DACH1: variants seen among roughly 807,000 people sequenced by gnomAD.
DACH1 encodes dachshund homolog 1.
Under a neutral mutation model 54.2 loss-of-function variants are expected in DACH1, and 12 were observed. The ratio of observed to expected loss-of-function variants is 0.22; its 90% CI spans 0.14 to 0.36. The LOEUF is 0.36. DACH1 is among the 10% of genes least tolerant of loss of function. The pLI is 1.00. For missense variants in DACH1, 805 were observed against 929.8 expected (o/e 0.87, Z 1.75); for synonymous variants, 386 against 366.2 (o/e 1.05, Z -0.62).
rs118055281 is a variant in DACH1, at chr13:71,662,321, T to A, written c.964+19474A>T. ...ATAAACTGATGAATACATGCTTTTTTAAAAATCACGATCAAAATATAACAA... is the reference window on the plus strand; with the variant it reads ...ATAAACTGATGAATACATGCTTTTTAAAAAATCACGATCAAAATATAACAA... On this transcript the variant is annotated intron_variant, in intron 2 of 10. Coordinates refer to ENST00000613252, the MANE Select transcript of DACH1 (RefSeq NM_080759.6). Among the ~76,000 whole-genome samples, 748 of 152,114 alleles carry A rather than the reference T, an allele frequency of 4.9e-3. 5 individuals are homozygous for A. Among genetic ancestry groups the A allele is most frequent in the East Asian group, 0.047 (242 of 5,172 alleles).
chr13:71,763,386 T>TATCCA (rs1885482683), intron 1 of DACH1, among the ~76,000 whole-genome samples: 14 of 152,338 alleles, frequency 9.2e-5, no homozygotes, highest in African/African-American at 3.4e-4. Context: ...GGTGTTGTTA[T>TATCCA]AGATTATTTC....
At chr13:71,782,817 GTAT>G (rs1886440207) in intron 1 of DACH1, among the ~76,000 whole-genome samples, 1 of 152,158 alleles carries the variant, frequency 6.6e-6, no homozygotes, top group South Asian at 2.1e-4. Flanking sequence ...GTAGTAATAG[GTAT>G]TATTGCAGGC....
intron 3 of DACH1, chr13:71,573,526 A>T (rs1885350351): frequency 1.5e-6 from 1 of 677,958 alleles, no homozygotes; most frequent in Non-Finnish European, 2.7e-6. Flanking sequence ...GGTCCCTGGG[A>T]TGGGGAAGAG....
At chr13:71,850,800 T>C (rs1351709097) in intron 1 of DACH1, among the ~76,000 whole-genome samples, 2 of 152,216 alleles carry the variant, frequency 1.3e-5, no homozygotes, top group Non-Finnish European at 2.9e-5. Flanking sequence ...GCTGAATGAA[T>C]GCACAGCTTT....
At chr13:71,645,907 T>C (rs1210003624) in intron 2 of DACH1, among the ~76,000 whole-genome samples, 1 of 152,204 alleles carries the variant, frequency 6.6e-6, no homozygotes, top group East Asian at 1.9e-4. Context: ...AATAAGTCTG[T>C]GTTTCTGAAA....
At chr13:71,698,824 A>G (rs2138743739) in intron 1 of DACH1, among the ~76,000 whole-genome samples, 1 of 152,286 alleles carries the variant, frequency 6.6e-6, no homozygotes, top group African/African-American at 2.4e-5. Flanking sequence ...TTCTTTAAAT[A>G]TCTGGCAGTG....
intron 1 of DACH1, among the ~76,000 whole-genome samples, chr13:71,842,190 G>C (rs1317692912): frequency 1.3e-5 from 2 of 152,198 alleles, no homozygotes; most frequent in African/African-American, 2.4e-5. Flanking sequence ...TGAGGATTAA[G>C]TGAGATAAGA....
At chr13:71,477,279 C>T (rs1877650339) in intron 8 of DACH1, among the ~76,000 whole-genome samples, 1 of 150,882 alleles carries the variant, frequency 6.6e-6, no homozygotes, top group Non-Finnish European at 1.5e-5. Context: ...TGCCACCACG[C>T]CCGGCTAATT....
At chr13:71,629,204 G>T (rs75740618) in intron 3 of DACH1, among the ~76,000 whole-genome samples, 1 of 151,916 alleles carries the variant, frequency 6.6e-6, no homozygotes, top group Non-Finnish European at 1.5e-5. Context: ...AACCATGACC[G>T]AAACAATCCT....
chr13:71,684,960 G>A (rs1340148548), intron 1 of DACH1, among the ~76,000 whole-genome samples: 1 of 152,098 alleles, frequency 6.6e-6, no homozygotes, highest in Admixed American at 6.6e-5. Context: ...AGAGAAAATA[G>A]AATAGAGGGT....
At chr13:71,692,339 C>A (rs182878622) in intron 1 of DACH1, among the ~76,000 whole-genome samples, 1 of 151,794 alleles carries the variant, frequency 6.6e-6, no homozygotes, top group Non-Finnish European at 1.5e-5. Context: ...TAGTTTTATA[C>A]GTCAAATCTT....
chr13:71,710,283 C>T (rs1315619805), intron 1 of DACH1, among the ~76,000 whole-genome samples: 1 of 152,066 alleles, frequency 6.6e-6, no homozygotes, highest in East Asian at 1.9e-4. Flanking sequence ...AATTACATTT[C>T]CCTTCAGATT....
intron 10 of DACH1, among the ~76,000 whole-genome samples, chr13:71,474,348 A>T (rs576835011): frequency 6.6e-6 from 1 of 152,156 alleles, no homozygotes; most frequent in African/African-American, 2.4e-5. Flanking sequence ...GAATAAAAGC[A>T]ATTGGGAGGA....
rs1199846500 is a variant in DACH1, at chr13:71,640,823, TATA to T, written c.965-10109_965-10107del. On this transcript the variant is annotated intron_variant, in intron 2 of 10. Coordinates refer to ENST00000613252, the MANE Select transcript of DACH1 (RefSeq NM_080759.6). ...AATGTATTGGTGATAGTTCAGGCAA[TATA>T]ATAAGTGAAAAGAGGAAAAGATACG... 2.6e-5 allele frequency among the ~76,000 whole-genome samples: 4 copies of T among 152,180 alleles called. No homozygotes were observed. In the East Asian group the frequency reaches 5.8e-4, roughly 22 times the overall value.
chr13:71,472,890 TTC>T (rs1253108649), intron 10 of DACH1, among the ~76,000 whole-genome samples: 1 of 152,252 alleles, frequency 6.6e-6, no homozygotes, highest in Non-Finnish European at 1.5e-5. Context: ...GTTAATTGTA[TTC>T]TGTTTGTTAG....
At chr13:71,627,633 G>T (rs985041613) in intron 3 of DACH1, among the ~76,000 whole-genome samples, 1 of 151,958 alleles carries the variant, frequency 6.6e-6, no homozygotes, top group African/African-American at 2.4e-5. Context: ...CATGGTAATC[G>T]GTTCTCCTGG....
intron 1 of DACH1, among the ~76,000 whole-genome samples, chr13:71,850,879 T>C (rs1254023596): frequency 6.6e-6 from 1 of 152,236 alleles, no homozygotes; most frequent in Non-Finnish European, 1.5e-5. Flanking sequence ...AATATGTGAA[T>C]ATTTTTATAA....
intron 1 of DACH1, among the ~76,000 whole-genome samples, chr13:71,838,546 T>A (rs557708050): frequency 1.3e-5 from 2 of 152,344 alleles, no homozygotes; most frequent in Non-Finnish European, 2.9e-5. Context: ...CAAATTCTGG[T>A]ATCAATCCCT....
At chr13:71,858,272 T>C (rs1242247705) in intron 1 of DACH1, among the ~76,000 whole-genome samples, 1 of 151,768 alleles carries the variant, frequency 6.6e-6, no homozygotes, top group Non-Finnish European at 1.5e-5. Flanking sequence ...AAAGGCAATC[T>C]AATTATTTAC....
Sources: allele counts gnomAD v4.1 joint callset (sites outside exome capture counted in the v4.1 genomes callset), GRCh38; gene constraint gnomAD v4.1.1; transcripts MANE v1.5; gene names NCBI Gene and HGNC (gene_info 2026-07-23, HGNC 2026-07-21).